The following TSNARE1 variants were observed in gnomAD, a reference collection of about 807,000 sequenced individuals.
TSNARE1 encodes the protein t-SNARE domain-containing protein 1.
Under a neutral mutation model 62.0 loss-of-function variants are expected in TSNARE1, and 49 were observed. The observed-to-expected ratio is 0.79, with a 90% confidence interval of 0.63 to 1.00. The LOEUF (loss-of-function observed/expected upper bound fraction) is 1.00. TSNARE1 is among the 50% of genes least tolerant of loss of function. The pLI, the probability that TSNARE1 is intolerant of heterozygous loss-of-function variation, is 0.00. For synonymous variants in TSNARE1, 328 were observed against 294.4 expected, an observed-to-expected ratio of 1.11 and a Z score of -1.17; for missense variants, 755 against 700.1, an observed-to-expected ratio of 1.08 and a Z score of -0.88.
chr8:142,387,385 CTG>C (rs1837183733), intron 1 of TSNARE1, among the ~76,000 whole-genome samples: 1 of 151,790 alleles, frequency 6.6e-6, no homozygotes, highest in Non-Finnish European at 1.5e-5. Flanking sequence ...ATAAGATAAA[CTG>C]AGGAAAATCA....
chr8:142,395,242 G>T (rs1411786993), intron 1 of TSNARE1, among the ~76,000 whole-genome samples: 1 of 152,052 alleles, frequency 6.6e-6, no homozygotes, highest in Non-Finnish European at 1.5e-5. Flanking sequence ...GCTAATGACT[G>T]CAATGCAACA....
intron 2 of TSNARE1, among the ~76,000 whole-genome samples, chr8:142,349,740 G>A (rs769943594): frequency 4.6e-5 from 7 of 152,350 alleles, no homozygotes; most frequent in Middle Eastern, 3.4e-3. Flanking sequence ...GGCCCTGCCC[G>A]AGCTTCACGG....
intron 11 of TSNARE1, chr8:142,275,908 C>A: frequency 1.0e-6 from 1 of 985,386 alleles, no homozygotes; most frequent in South Asian, 4.7e-5. Flanking sequence ...CACTCCCCAC[C>A]GTCCCAGCAA....
chr8:142,230,889 C>T (rs1216615193), intron 12 of TSNARE1, among the ~76,000 whole-genome samples: 2 of 151,766 alleles, frequency 1.3e-5, no homozygotes, highest in Non-Finnish European at 2.9e-5. Context: ...TCCATGAGCC[C>T]ACTCATCCAT....
At chr8:142,287,560 G>A (rs1822969923) in intron 10 of TSNARE1, among the ~76,000 whole-genome samples, 1 of 137,832 alleles carries the variant, frequency 7.3e-6, no homozygotes, top group Non-Finnish European at 1.6e-5. Context: ...CCAGGATGTG[G>A]AACCCAGGAC....
At chr8:142,371,993 C>T (rs1204162075) in intron 1 of TSNARE1, among the ~76,000 whole-genome samples, 7 of 152,144 alleles carry the variant, frequency 4.6e-5, no homozygotes, top group Non-Finnish European at 1.0e-4. Flanking sequence ...CTGGCCCTTT[C>T]CAGGAAATGT....
At chr8:142,257,802 GA>G (rs1181503931) in intron 12 of TSNARE1, among the ~76,000 whole-genome samples, 3 of 152,236 alleles carry the variant, frequency 2.0e-5, no homozygotes, top group African/African-American at 7.2e-5. Flanking sequence ...GCTTCATGGA[GA>G]TCCAGCCGCC....
chr8:142,392,301 C>T (rs1375551700), intron 1 of TSNARE1, among the ~76,000 whole-genome samples: 4 of 152,086 alleles, frequency 2.6e-5, no homozygotes, highest in Non-Finnish European at 5.9e-5. Flanking sequence ...GGATTACAGG[C>T]GTGAGCCACC....
intron 12 of TSNARE1, among the ~76,000 whole-genome samples, chr8:142,246,473 G>A (rs1340674641): frequency 6.6e-6 from 1 of 151,912 alleles, no homozygotes; most frequent in Non-Finnish European, 1.5e-5. Context: ...TCCCTGGCAT[G>A]CCCCCTCCTC....
At chr8:142,292,067 C>G (rs1322209936) in intron 10 of TSNARE1, among the ~76,000 whole-genome samples, 1 of 151,962 alleles carries the variant, frequency 6.6e-6, no homozygotes, top group Non-Finnish European at 1.5e-5. Context: ...CTGGCAGCAT[C>G]CTCCAGGGCC....
At chr8:142,333,421 A>G (rs893365999) in intron 4 of TSNARE1, among the ~76,000 whole-genome samples, 1 of 152,140 alleles carries the variant, frequency 6.6e-6, no homozygotes, top group Admixed American at 6.5e-5. Context: ...AATTTTCCAT[A>G]TTAAAATTTT....
chr8:142,295,410 G>A (rs1232557434), intron 10 of TSNARE1, among the ~76,000 whole-genome samples: 1 of 152,214 alleles, frequency 6.6e-6, no homozygotes, highest in Non-Finnish European at 1.5e-5. Flanking sequence ...GCCGGCCCCA[G>A]GTCCTGCTCA....
chr8:142,335,413 G>A (rs1831616690), intron 4 of TSNARE1, among the ~76,000 whole-genome samples: 1 of 152,216 alleles, frequency 6.6e-6, no homozygotes, highest in African/African-American at 2.4e-5. Context: ...ACACAGAAGT[G>A]CATTCCTGTG....
intron 10 of TSNARE1, among the ~76,000 whole-genome samples, chr8:142,286,881 C>T (rs927630184): frequency 6.6e-6 from 1 of 152,240 alleles, no homozygotes; most frequent in Non-Finnish European, 1.5e-5. Flanking sequence ...GCCTCAGGGA[C>T]TTGCAGGGGC....
intron 6 of TSNARE1, among the ~76,000 whole-genome samples, chr8:142,326,877 C>G (rs907126004): frequency 6.6e-6 from 1 of 152,216 alleles, no homozygotes; most frequent in African/African-American, 2.4e-5. Context: ...ATGCTTGAAG[C>G]CTTCAATTAC....
chr8:142,238,475 A>T (rs1033484161), intron 12 of TSNARE1, among the ~76,000 whole-genome samples: 1 of 152,058 alleles, frequency 6.6e-6, no homozygotes, highest in Non-Finnish European at 1.5e-5. Context: ...CGACAGACAG[A>T]TGCTGGTAGC....
chr8:142,338,819 C>T (rs1832136426), intron 4 of TSNARE1, among the ~76,000 whole-genome samples: 1 of 152,198 alleles, frequency 6.6e-6, no homozygotes, highest in African/African-American at 2.4e-5. Flanking sequence ...CGGCTGCAGA[C>T]AGGGCATGGT....
chr8:142,300,491 T>G lies in TSNARE1; in HGVS notation c.1285A>C (p.Met429Leu). ...IRLREEAILQ[M>L]ESNLLDVNQI... is the part of the protein sequence containing the mutation. Reference sequence around the variant, plus strand: ...CTTGCCCACGCCAGCCTCACCTCCATCTGCAGGATGGCCTCCTCCCGCAGC... The same window carrying G: ...CTTGCCCACGCCAGCCTCACCTCCAGCTGCAGGATGGCCTCCTCCCGCAGC... The change falls in exon 10 of 14, where the codon ATG (methionine) becomes CTG (leucine). Residue 429 changes from methionine (M) to leucine (L), a missense_variant. Coordinates refer to ENST00000524325, the MANE Select transcript of TSNARE1 (RefSeq NM_145003.5). The G allele has an allele frequency of 6.2e-7, 1 of 1,602,758 alleles. No individual in the cohort carries two copies. Among genetic ancestry groups the G allele is most frequent in the Non-Finnish European group, 8.5e-7 (1 of 1,178,098 alleles).
At position 142,278,693 on chromosome 8, in the gene TSNARE1, C is replaced by G. The variant is rs967979422; in HGVS notation, c.1364-3830G>C. ...CAGACGAGGCCTGACCAGACAGAAACGCCTGGCTTCCGGTGGTCCCTGGAG... is the reference window on the plus strand; with the variant it reads ...CAGACGAGGCCTGACCAGACAGAAAGGCCTGGCTTCCGGTGGTCCCTGGAG... On this transcript the variant is annotated intron_variant, in intron 11 of 13. Transcript: ENST00000524325. The G allele has an allele frequency of 7.1e-6, 7 of 985,314 alleles. No individual in the cohort carries two copies. The Admixed American group carries it at 3.1e-4, about 43-fold the overall frequency. 61.0% of individuals were successfully genotyped at this position (985,314 alleles called of 1,614,324 possible). A position where few individuals can be genotyped will look rare whatever the true frequency, so the allele number is the denominator to read the frequency against.
Sources: gnomAD v4.1 joint callset for allele counts (sites outside exome capture counted in the v4.1 genomes callset) on GRCh38, gnomAD v4.1.1 for gene constraint, MANE v1.5 for transcripts, NCBI Gene and HGNC (gene_info 2026-07-23, HGNC 2026-07-21) for gene names.